Variants in MEIKIN observed in about 807,000 individuals in gnomAD.
MEIKIN encodes meiotic kinetochore factor, also known as meiosis-specific kinetochore protein.
intron 5 of MEIKIN, among the ~76,000 whole-genome samples, chr5:131,929,679 C>T (rs1751649355): frequency 1.3e-5 from 2 of 152,156 alleles, no homozygotes; most frequent in African/African-American, 4.8e-5. Context: ...AATCTTCACC[C>T]TCTTCCCACC....
At chr5:131,891,045 C>G (rs545519655) in intron 8 of MEIKIN, among the ~76,000 whole-genome samples, 120 of 152,276 alleles carry the variant, frequency 7.9e-4, no homozygotes, top group African/African-American at 2.7e-3. Context: ...GTTTCTTAAC[C>G]CTGAGTTCTA....
intron 9 of MEIKIN, among the ~76,000 whole-genome samples, chr5:131,870,046 G>GTTTCCT (rs1345875326): frequency 6.6e-6 from 1 of 152,122 alleles, no homozygotes; most frequent in Non-Finnish European, 1.5e-5. Flanking sequence ...GAAACTGGAA[G>GTTTCCT]TCCTACAATT....
At chr5:131,913,208 C>T (rs938831396) in intron 7 of MEIKIN, among the ~76,000 whole-genome samples, 1 of 152,178 alleles carries the variant, frequency 6.6e-6, no homozygotes, top group Non-Finnish European at 1.5e-5. Context: ...GATGGAACCT[C>T]CAGCTGCTTT....
At chr5:131,914,588 A>T (rs943329454) in intron 7 of MEIKIN, among the ~76,000 whole-genome samples, 1 of 66,176 alleles carries the variant, frequency 1.5e-5, no homozygotes, top group Admixed American at 1.5e-4. Context: ...AAGGGAAGGG[A>T]AGGGAAGGGA....
chr5:131,823,126 T>C (rs1749548769), intron 11 of MEIKIN, among the ~76,000 whole-genome samples: 1 of 152,140 alleles, frequency 6.6e-6, no homozygotes, highest in Non-Finnish European at 1.5e-5. Context: ...CTTTTCTCTA[T>C]CCTTGACCTT....
rs548511421 is a variant in MEIKIN, at chr5:131,809,355, C to A, written c.1100-2097G>T. Among the ~76,000 whole-genome samples the A allele has an allele frequency of 1.0e-3, 156 of 152,320 alleles. 1 individual carries two copies. The highest frequency in any genetic ancestry group is 3.6e-3 in the African/African-American group (149 of 41,570). ...GATTTCTTTATCCCCAAGGCACTGGCTGGCATACTTCATCTCTTTATTTTC... is the reference window on the plus strand; with the variant it reads ...GATTTCTTTATCCCCAAGGCACTGGATGGCATACTTCATCTCTTTATTTTC... On this transcript the variant is annotated intron_variant, in intron 12 of 12. Transcript: ENST00000442687.
intron 11 of MEIKIN, among the ~76,000 whole-genome samples, chr5:131,846,502 C>G (rs949602558): frequency 6.6e-6 from 1 of 152,078 alleles, no homozygotes. Flanking sequence ...TGGTTTGTAA[C>G]TCATATTTTA....
chr5:131,927,040 T>C (rs955162171), intron 5 of MEIKIN, among the ~76,000 whole-genome samples: 13 of 152,212 alleles, frequency 8.5e-5, no homozygotes, highest in Non-Finnish European at 1.9e-4. Context: ...ATCTGATAAT[T>C]TTTGGCTGTT....
intron 10 of MEIKIN, among the ~76,000 whole-genome samples, chr5:131,851,908 G>A (rs1284067268): frequency 1.3e-5 from 2 of 152,206 alleles, no homozygotes; most frequent in Non-Finnish European, 2.9e-5. Flanking sequence ...GTATCTTTGA[G>A]AAGTCCTGGA....
At chr5:131,869,721 A>C (rs1750452157) in intron 9 of MEIKIN, among the ~76,000 whole-genome samples, 1 of 152,244 alleles carries the variant, frequency 6.6e-6, no homozygotes. Context: ...TAAAACTCAC[A>C]AAAGTGGCAG....
intron 9 of MEIKIN, among the ~76,000 whole-genome samples, chr5:131,863,772 TG>T (rs1750331521): frequency 6.6e-6 from 1 of 152,094 alleles, no homozygotes; most frequent in Non-Finnish European, 1.5e-5. Flanking sequence ...AACTGAATCA[TG>T]GGGGCAGGTC....
intron 11 of MEIKIN, among the ~76,000 whole-genome samples, chr5:131,838,359 C>T (rs574247747): frequency 1.2e-4 from 18 of 151,924 alleles, no homozygotes; most frequent in East Asian, 1.2e-3. Context: ...AGGATGATGC[C>T]GGCCTCATAG....
intron 9 of MEIKIN, among the ~76,000 whole-genome samples, chr5:131,856,105 T>C (rs1750188002): frequency 6.6e-6 from 1 of 152,182 alleles, no homozygotes; most frequent in African/African-American, 2.4e-5. Flanking sequence ...TTAGGAAAAT[T>C]TTTGTCAGAA....
intron 4 of MEIKIN, among the ~76,000 whole-genome samples, chr5:131,935,533 T>C (rs763091192): frequency 6.6e-6 from 1 of 152,176 alleles, no homozygotes; most frequent in African/African-American, 2.4e-5. Flanking sequence ...TGCTCTGCTA[T>C]ATTTAGTCTA....
rs1019399958 is a variant in MEIKIN at position 131,842,146 on chromosome 5, T to C, written c.975+9118A>G. Among the ~76,000 whole-genome samples the C allele has an allele frequency of 4.6e-5, 7 of 152,274 alleles. No individual in the cohort carries two copies. The South Asian group carries it at 6.2e-4, about 14-fold the overall frequency. On this transcript the variant is annotated intron_variant, in intron 11 of 12. Coordinates refer to ENST00000442687, the MANE Select transcript of MEIKIN (RefSeq NM_001303622.2). Reference sequence around the variant, plus strand: ...CACGCCCAACTAATTTTTGTATTTTTAGTAGAGATGGGGTTTTACCATGTT... The same window carrying C: ...CACGCCCAACTAATTTTTGTATTTTCAGTAGAGATGGGGTTTTACCATGTT...
chr5:131,865,023 T>C (rs1001245980), intron 9 of MEIKIN, among the ~76,000 whole-genome samples: 4 of 152,226 alleles, frequency 2.6e-5, no homozygotes, highest in Admixed American at 2.6e-4. Context: ...TGAGTGTATT[T>C]TGTATTTCAT....
At chr5:131,879,616 C>A (rs1441315270) in intron 8 of MEIKIN, among the ~76,000 whole-genome samples, 1 of 152,224 alleles carries the variant, frequency 6.6e-6, no homozygotes, top group Non-Finnish European at 1.5e-5. Flanking sequence ...TGCCCACAGG[C>A]AAATTTCTTA....
chr5:131,932,717 A>G (rs1751710107), intron 5 of MEIKIN, among the ~76,000 whole-genome samples: 1 of 152,214 alleles, frequency 6.6e-6, no homozygotes, highest in African/African-American at 2.4e-5. Flanking sequence ...TCCAGTCTAG[A>G]GTCCCTGTTT....
chr5:131,918,937 T>C (rs534623502), intron 6 of MEIKIN, among the ~76,000 whole-genome samples: 10 of 152,248 alleles, frequency 6.6e-5, no homozygotes, highest in African/African-American at 2.2e-4. Flanking sequence ...ATTAGAGAAC[T>C]GCTACACTAG....
Sources: allele counts gnomAD v4.1 joint callset (sites outside exome capture counted in the v4.1 genomes callset), GRCh38; gene constraint gnomAD v4.1.1; transcripts MANE v1.5; gene names NCBI Gene and HGNC (gene_info 2026-07-23, HGNC 2026-07-21).